Variants in CEP128 observed in about 807,000 individuals in gnomAD.
CEP128 encodes centrosomal protein 128kDa.
A neutral mutation model predicts 156.7 loss-of-function variants in CEP128; 132 were observed. The ratio of observed to expected loss-of-function variants is 0.84; its 90% CI spans 0.73 to 0.97. The LOEUF is 0.97. CEP128 is among the 50% of genes least tolerant of loss of function. CEP128 has a pLI of 0.00. For synonymous variants in CEP128, 469 were observed against 448.9 expected (o/e 1.04, Z -0.57); for missense variants, 1,252 against 1,281.9 (o/e 0.98, Z 0.36).
chr14:80,731,653 T>A (rs1898277469), intron 19 of CEP128, among the ~76,000 whole-genome samples: 1 of 152,136 alleles, frequency 6.6e-6, no homozygotes, highest in African/African-American at 2.4e-5. Context: ...ATGGTTGATG[T>A]GATGGAACTG....
intron 19 of CEP128, among the ~76,000 whole-genome samples, chr14:80,672,669 A>G (rs543747612): frequency 6.6e-6 from 1 of 152,306 alleles, no homozygotes; most frequent in East Asian, 1.9e-4. Context: ...ACATATACAT[A>G]TGGTTTATTG....
chr14:80,831,436 CTGT>C (rs1444457973), intron 12 of CEP128, 142 bp from the exon 13 acceptor site: 9 of 788,746 alleles, frequency 1.1e-5, no homozygotes, highest in Admixed American at 6.4e-5. Context: ...CTTTGCCAGC[CTGT>C]TGTTTCAAGT....
chr14:80,805,371 C>T (rs376031841), intron 13 of CEP128, among the ~76,000 whole-genome samples: 1 of 151,624 alleles, frequency 6.6e-6, no homozygotes. Context: ...TAGTGGATCT[C>T]GCCCTTTGTC....
At position 80,782,819 on chromosome 14, in the gene CEP128, T is replaced by G. The variant is rs144273921; in HGVS notation, c.2211+2076A>C. ...TGCCTGTCACATTTATCACTCTTGA[T>G]TATAACTTTCTTAAAATGTCTTACC... On this transcript the variant is annotated intron_variant, in intron 15 of 24. Transcript: ENST00000555265. Among the ~76,000 whole-genome samples the G allele has an allele frequency of 6.9e-3, 1,054 of 152,326 alleles. 9 individuals are homozygous for G. Among genetic ancestry groups the G allele is most frequent in the African/African-American group, 0.024 (990 of 41,576 alleles).
chr14:80,612,828 A>G (rs1043100953), intron 19 of CEP128, among the ~76,000 whole-genome samples: 2 of 151,982 alleles, frequency 1.3e-5, no homozygotes, highest in African/African-American at 4.8e-5. Flanking sequence ...CAGAAACCAG[A>G]AAGTGTTTTT....
At chr14:80,604,863 T>C (rs1292886742) in intron 19 of CEP128, among the ~76,000 whole-genome samples, 1 of 152,088 alleles carries the variant, frequency 6.6e-6, no homozygotes, top group South Asian at 2.1e-4. Flanking sequence ...AGTTATCTTC[T>C]GGCAAAAGTC....
chr14:80,548,422 C>T (rs1204206383), intron 21 of CEP128, among the ~76,000 whole-genome samples: 1 of 152,000 alleles, frequency 6.6e-6, no homozygotes, highest in Non-Finnish European at 1.5e-5. Flanking sequence ...ACTATTCCCC[C>T]CACTATATAT....
At chr14:80,772,799 A>AG (rs1251618029) in intron 16 of CEP128, among the ~76,000 whole-genome samples, 7 of 152,180 alleles carry the variant, frequency 4.6e-5, no homozygotes, top group Non-Finnish European at 8.8e-5. Context: ...ACATCCTGCA[A>AG]GGGGGGTCAG....
At chr14:80,876,469 C>T (rs1432735094) in intron 8 of CEP128, among the ~76,000 whole-genome samples, 6 of 152,042 alleles carry the variant, frequency 3.9e-5, no homozygotes, top group Admixed American at 2.6e-4. Context: ...TGGTGGCACA[C>T]GCCTGTAGTC....
At chr14:80,789,167 T>C (rs1901575354) in intron 14 of CEP128, among the ~76,000 whole-genome samples, 1 of 151,936 alleles carries the variant, frequency 6.6e-6, no homozygotes, top group South Asian at 2.1e-4. Context: ...GAAGATGTGA[T>C]GAGAACAACA....
chr14:80,578,544 A>G (rs1891454011), intron 20 of CEP128, among the ~76,000 whole-genome samples: 1 of 152,198 alleles, frequency 6.6e-6, no homozygotes, highest in African/African-American at 2.4e-5. Context: ...AGACAGTTTT[A>G]TGATTTTCTA....
intron 4 of CEP128, among the ~76,000 whole-genome samples, chr14:80,908,037 C>T (rs371512110): frequency 1.8e-4 from 28 of 152,282 alleles, no homozygotes; most frequent in Middle Eastern, 3.4e-3. Context: ...CTTTTGAAAG[C>T]AGAGTCAGCT....
At chr14:80,510,018 T>A (rs548006239) in intron 23 of CEP128, among the ~76,000 whole-genome samples, 1 of 152,324 alleles carries the variant, frequency 6.6e-6, no homozygotes, top group Non-Finnish European at 1.5e-5. Context: ...CTCTTTTGGT[T>A]ACTATAGCTC....
chr14:80,648,424 A>T (rs1894754667), intron 19 of CEP128, among the ~76,000 whole-genome samples: 1 of 152,162 alleles, frequency 6.6e-6, no homozygotes, highest in Non-Finnish European at 1.5e-5. Context: ...GTTTTCAGTT[A>T]TCAGTAATAA....
intron 19 of CEP128, among the ~76,000 whole-genome samples, chr14:80,736,517 C>T (rs1040746482): frequency 2.5e-4 from 38 of 150,056 alleles, no homozygotes; most frequent in Non-Finnish European, 4.2e-4. Flanking sequence ...AATACACACA[C>T]ATACACACAC....
intron 9 of CEP128, among the ~76,000 whole-genome samples, chr14:80,856,755 G>C (rs1430743632): frequency 9.1e-6 from 1 of 109,408 alleles, no homozygotes; most frequent in Non-Finnish European, 1.7e-5. Flanking sequence ...TTTTGAGACA[G>C]GGTCTCAATC....
intron 19 of CEP128, among the ~76,000 whole-genome samples, chr14:80,617,219 CTTTTTTTTTTTTTT>C (rs3069115): frequency 2.0e-3 from 118 of 60,226 alleles, no homozygotes; most frequent in African/African-American, 7.2e-3. Flanking sequence ...TGAATATCAT[CTTTTTTTTTTTTTT>C]TTTTTTTTTT....
chr14:80,671,975 A>G (rs1895861796), intron 19 of CEP128, among the ~76,000 whole-genome samples: 1 of 152,150 alleles, frequency 6.6e-6, no homozygotes, highest in Non-Finnish European at 1.5e-5. Context: ...TGAAGTTTAA[A>G]AGCACCTTTC....
intron 15 of CEP128, among the ~76,000 whole-genome samples, chr14:80,781,044 C>T (rs760803760): frequency 1.2e-4 from 18 of 152,116 alleles, no homozygotes; most frequent in Non-Finnish European, 2.5e-4. Context: ...CAAAATTGGG[C>T]CTTAAAGGAT....
Sources: allele counts gnomAD v4.1 joint callset (sites outside exome capture counted in the v4.1 genomes callset), GRCh38; gene constraint gnomAD v4.1.1; transcripts MANE v1.5; gene names NCBI Gene and HGNC (gene_info 2026-07-23, HGNC 2026-07-21).